Variants in TBCD observed in about 807,000 individuals in gnomAD.
The protein encoded by TBCD is tubulin folding cofactor D.
TBCD carries 105 observed loss-of-function variants against 169.3 expected under a neutral mutation model. The ratio of observed to expected loss-of-function variants is 0.62; its 90% CI spans 0.53 to 0.73. The LOEUF is 0.73. Ranked by LOEUF, TBCD falls within the 30% of genes least tolerant of loss-of-function variation. The pLI, the probability that TBCD is intolerant of heterozygous loss-of-function variation, is 0.00. For missense variants in TBCD, 1,444 were observed against 1,600.1 expected (o/e 0.90, Z 1.66); for synonymous variants, 700 against 643.9 (o/e 1.09, Z -1.32).
intron 14 of TBCD, among the ~76,000 whole-genome samples, chr17:82,882,567 G>A (rs954187952): frequency 8.5e-5 from 13 of 152,240 alleles, no homozygotes; most frequent in African/African-American, 2.7e-4. Context: ...GAGAACATGA[G>A]GATACGTGAG....
At chr17:82,933,778 A>G (rs1391262746) in intron 34 of TBCD, among the ~76,000 whole-genome samples, 2 of 151,754 alleles carry the variant, frequency 1.3e-5, no homozygotes, top group African/African-American at 4.8e-5. Flanking sequence ...CACCTGGCTG[A>G]TTGTTTGTAT....
At position 82,932,817 on chromosome 17, in the gene TBCD, G is replaced by T; in HGVS notation, c.3191+82G>T. Reference sequence around the variant, plus strand: ...TAAAGAAAAAGTCATCAGACACAGAGATCAGAATTCCAGGAAATGATCTTC... The same window carrying T: ...TAAAGAAAAAGTCATCAGACACAGATATCAGAATTCCAGGAAATGATCTTC... On this transcript the variant is annotated intron_variant, in intron 34 of 38. Transcript: ENST00000355528. The T allele has an allele frequency of 2.1e-6, 3 of 1,399,860 alleles. No individual in the cohort carries two copies. The South Asian group carries it at 3.7e-5, about 17-fold the overall frequency. 86.7% of individuals were successfully genotyped at this position (1,399,860 alleles called of 1,614,324 possible). A position where few individuals can be genotyped will look rare whatever the true frequency, so the allele number is the denominator to read the frequency against.
At chr17:82,816,282 A>G (rs2051895703) in intron 13 of TBCD, among the ~76,000 whole-genome samples, 1 of 152,054 alleles carries the variant, frequency 6.6e-6, no homozygotes. Context: ...CGTTTTGTCC[A>G]TCCTTTTCAT....
intron 23 of TBCD, among the ~76,000 whole-genome samples, chr17:82,914,974 G>GT (rs745940754): frequency 4.5e-4 from 68 of 152,190 alleles, no homozygotes; most frequent in Non-Finnish European, 8.2e-4. Context: ...AACCCTTTCA[G>GT]TTTTTTAGCT....
intron 15 of TBCD, among the ~76,000 whole-genome samples, chr17:82,885,191 C>T (rs999682115): frequency 6.6e-6 from 1 of 152,012 alleles, no homozygotes; most frequent in Admixed American, 6.6e-5. Context: ...CAGTGTGTGG[C>T]CCCTGGTGAG....
Position 82,909,269 on chromosome 17 carries a change from A to G in TBCD, c.1984-16A>G. The G allele has an allele frequency of 1.3e-6, 2 of 1,499,722 alleles. No homozygotes were observed. Among genetic ancestry groups the G allele is most frequent in the Non-Finnish European group, 1.8e-6 (2 of 1,104,852 alleles). The allele number at this position is 1,499,722 out of a possible 1,614,324, so 92.9% of individuals were successfully genotyped here. On this transcript the variant is annotated splice_polypyrimidine_tract_variant and intron_variant, in intron 21 of 38. Transcript: ENST00000355528. ...AAATTTAAATCATTAAATAACTTTC[A>G]GTTTTTTATTTTCAGCTCTATGATC...
At chr17:82,872,370 A>G (rs1163437707) in intron 14 of TBCD, among the ~76,000 whole-genome samples, 1 of 152,092 alleles carries the variant, frequency 6.6e-6, no homozygotes, top group African/African-American at 2.4e-5. Context: ...CCCAGTGGCC[A>G]CTCTGGCAGC....
rs1176759852 is a variant in TBCD at position 82,864,864 on chromosome 17, G to A, written c.1319-5360G>A. On this transcript the variant is annotated intron_variant, in intron 13 of 38. Transcript: ENST00000355528. This position sits in a 1 kb window ranked among gnomAD's most constrained non-coding sequence, Gnocchi z 6.3. ...GGGCCTGCTCACTCCCCGGGGCACC[G>A]TGGGGACAGCGGGGGCCTGCTCACT... Among the ~76,000 whole-genome samples the A allele has an allele frequency of 2.3e-5, 1 of 43,896 alleles. No individual in the cohort carries two copies. The highest frequency in any genetic ancestry group is 5.6e-5 in the Non-Finnish European group (1 of 18,006). 28.8% of individuals were successfully genotyped at this position (43,896 alleles called of 152,430 possible). A position where few individuals can be genotyped will look rare whatever the true frequency, so the allele number is the denominator to read the frequency against.
intron 21 of TBCD, chr17:82,908,442 A>G (rs2063072641): frequency 2.2e-6 from 1 of 454,362 alleles, no homozygotes; most frequent in African/African-American, 2.0e-5. Flanking sequence ...CCAGAGGTAA[A>G]GTATGAACTA....
chr17:82,804,121 G>C lies in TBCD; in HGVS notation c.951-1754G>C, dbSNP rs1362677627. Reference sequence around the variant, plus strand: ...GTGCACCTGCCTGTAGAGTTTAGGGGAGAGTGGGGGCTGGGGTGTGCCTGC... The same window carrying C: ...GTGCACCTGCCTGTAGAGTTTAGGGCAGAGTGGGGGCTGGGGTGTGCCTGC... On this transcript the variant is annotated intron_variant, in intron 9 of 38. Transcript: ENST00000355528. 9.3e-5 allele frequency among the ~76,000 whole-genome samples: 14 copies of C among 149,974 alleles called. No individual in the cohort carries two copies. In the East Asian group the frequency reaches 2.6e-3, roughly 27 times the overall value.
chr17:82,847,259 A>G (rs763979903), intron 13 of TBCD, among the ~76,000 whole-genome samples: 3 of 149,826 alleles, frequency 2.0e-5, no homozygotes, highest in Non-Finnish European at 3.0e-5. Flanking sequence ...AGGCTGAGGC[A>G]GGAGAATGGT....
rs1383075317 is a variant in TBCD at position 82,921,625 on chromosome 17, G to A, written c.2178+48G>A. 4 of 1,570,308 alleles carry A rather than the reference G, an allele frequency of 2.5e-6. No individual in the cohort carries two copies. The African/African-American group carries it at 4.1e-5, about 16-fold the overall frequency. ...CGGCCGGCGCTGTGGCGGTGTTAGTGTGTTAGTCACGGATGGTGTTTGTGT... is the reference window on the plus strand; with the variant it reads ...CGGCCGGCGCTGTGGCGGTGTTAGTATGTTAGTCACGGATGGTGTTTGTGT... On this transcript the variant is annotated intron_variant, in intron 25 of 38. Coordinates refer to ENST00000355528, the MANE Select transcript of TBCD (RefSeq NM_005993.5).
At chr17:82,861,310 G>C (rs1454115529) in intron 13 of TBCD, among the ~76,000 whole-genome samples, 2 of 151,840 alleles carry the variant, frequency 1.3e-5, no homozygotes, top group African/African-American at 4.8e-5. Context: ...CGTGTGCCTG[G>C]CGAGCCCTGA....
In TBCD at chr17:82,922,124, G is replaced by A. The variant is rs754176927; in HGVS notation, c.2178+547G>A. ...ATAGATAAGAAACCATGGGCCCGGC[G>A]CAGTGGCGGGTGGATCACTTGAGGT... On this transcript the variant is annotated intron_variant, in intron 25 of 38. Transcript: ENST00000355528. The surrounding 1 kb of genome is among the most constrained non-coding windows in gnomAD (Gnocchi z 4.1). Among the ~76,000 whole-genome samples the A allele has an allele frequency of 1.3e-5, 2 of 152,226 alleles. No individual in the cohort carries two copies. The highest frequency in any genetic ancestry group is 2.9e-5 in the Non-Finnish European group (2 of 68,044).
In TBCD at chr17:82,889,101, G is replaced by A. The variant is rs1053515510; in HGVS notation, c.1534-567G>A. On this transcript the variant is annotated intron_variant, in intron 15 of 38. Transcript: ENST00000355528. This position sits in a 1 kb window ranked among gnomAD's most constrained non-coding sequence, Gnocchi z 5.3. The stretch of plus-strand genomic sequence containing the variant: ...TGCCTGGTCGGTGCGCCTAAGGGGG[G>A]CAGGGTGTTTGGGGAGGACATGAGA... Among the ~76,000 whole-genome samples the A allele has an allele frequency of 2.0e-5, 3 of 152,348 alleles. No individual in the cohort carries two copies. The East Asian group carries it at 5.8e-4, about 29-fold the overall frequency.
chr17:82,757,658 C>T lies in TBCD; in HGVS notation c.235+1443C>T, dbSNP rs377552934. ...AAAACCAAAAAAAACCCTCTAAATT[C>T]GGGATTCAAGAATTCATTGGGATCA... On this transcript the variant is annotated intron_variant, in intron 2 of 38. Transcript: ENST00000355528. 3.4e-4 allele frequency among the ~76,000 whole-genome samples: 51 copies of T among 151,408 alleles called. 1 individual carries two copies. In the South Asian group the frequency reaches 8.8e-3, roughly 26 times the overall value.
chr17:82,936,447 G>A (rs970463883), intron 34 of TBCD, among the ~76,000 whole-genome samples: 1 of 152,162 alleles, frequency 6.6e-6, no homozygotes, highest in Non-Finnish European at 1.5e-5. Context: ...GGCTGGGTGT[G>A]TCTGAGTTGC....
In TBCD at chr17:82,929,576, T is replaced by C. The variant is rs532401553; in HGVS notation, c.2991+76T>C. 57 of 1,560,346 alleles carry C rather than the reference T, an allele frequency of 3.7e-5. 1 individual carries two copies. The African/African-American group carries it at 5.9e-4, about 16-fold the overall frequency. ...GGTGCTTCCCTGTCTCTTGGGAGCA[T>C]GTATGGAGCTGGGCCTTTTCTTCCA... On this transcript the variant is annotated intron_variant, in intron 32 of 38. Coordinates refer to ENST00000355528, the MANE Select transcript of TBCD (RefSeq NM_005993.5).
At chr17:82,855,235 C>CTTTGCTT (rs2056157902) in intron 13 of TBCD, among the ~76,000 whole-genome samples, 1 of 53,992 alleles carries the variant, frequency 1.9e-5, no homozygotes, top group East Asian at 6.5e-4. Context: ...AAGGTGTTTG[C>CTTTGCTT]TTTTTTTTTT....
Sources: gnomAD v4.1 joint callset for allele counts (sites outside exome capture counted in the v4.1 genomes callset) on GRCh38, gnomAD v4.1.1 for gene constraint, Gnocchi (gnomAD v3.1) non-coding constraint, MANE v1.5 for transcripts, NCBI Gene and HGNC (gene_info 2026-07-23, HGNC 2026-07-21) for gene names.